The following RAB38 variants were observed in gnomAD, a reference collection of about 807,000 sequenced individuals.
RAB38 encodes ras-related protein Rab-38.
Under a neutral mutation model 18.4 loss-of-function variants are expected in RAB38, and 15 were observed. That is an observed-to-expected ratio of 0.82 (90% confidence interval 0.55 to 1.26). The LOEUF (loss-of-function observed/expected upper bound fraction) is 1.26, where lower values mean the gene tolerates loss of function less well. Ranked by LOEUF, RAB38 falls within the 50% of genes most tolerant of loss-of-function variation. The probability of loss-of-function intolerance (pLI) is 0.00; values close to 1 mark genes in which losing one functional copy is unlikely to be tolerated. For missense variants in RAB38, 294 were observed against 267.4 expected, an observed-to-expected ratio of 1.10 and a Z score of -0.69; for synonymous variants, 101 against 104.4, an observed-to-expected ratio of 0.97 and a Z score of 0.20.
chr11:88,104,366 T>C, the RAB38 span, among the ~76,000 whole-genome samples: 1 of 152,102 alleles, frequency 6.6e-6, no homozygotes, highest in South Asian at 2.1e-4. Flanking sequence ...AATAAATACA[T>C]AATCTTGAAA....
At chr11:88,099,133 C>T in the RAB38 span, among the ~76,000 whole-genome samples, 1 of 151,444 alleles carries the variant, frequency 6.6e-6, no homozygotes, top group Non-Finnish European at 1.5e-5. Context: ...TATTAAAAAC[C>T]AATAGAACTA....
intron 1 of RAB38, among the ~76,000 whole-genome samples, chr11:88,168,331 C>T (rs1943268710): frequency 6.6e-6 from 1 of 152,102 alleles, no homozygotes; most frequent in African/African-American, 2.4e-5. Context: ...TTGTCTGCCG[C>T]ATCCCTCTTA....
At chr11:88,124,947 T>C (rs1942676708) in intron 2 of RAB38, among the ~76,000 whole-genome samples, 1 of 152,244 alleles carries the variant, frequency 6.6e-6, no homozygotes, top group African/African-American at 2.4e-5. Flanking sequence ...CAATAAGTTA[T>C]GTGACTGTCT....
the RAB38 span, among the ~76,000 whole-genome samples, chr11:88,029,350 A>G: frequency 6.7e-6 from 1 of 150,370 alleles, no homozygotes; most frequent in African/African-American, 2.4e-5. Context: ...GCTAACATCA[A>G]AATGACAGGA....
chr11:87,821,352 A>G, the RAB38 span, among the ~76,000 whole-genome samples: 1 of 152,330 alleles, frequency 6.6e-6, no homozygotes, highest in East Asian at 1.9e-4. Context: ...AGAATTCTAC[A>G]CTCATTAGAA....
chr11:88,135,963 C>A (rs1238487068), intron 2 of RAB38, among the ~76,000 whole-genome samples: 1 of 152,172 alleles, frequency 6.6e-6, no homozygotes, highest in Non-Finnish European at 1.5e-5. Context: ...TGAAAGTTCT[C>A]AAGAGAGAAC....
chr11:87,918,533 C>T, the RAB38 span, among the ~76,000 whole-genome samples: 656 of 152,122 alleles, frequency 4.3e-3, 3 homozygotes, highest in Non-Finnish European at 7.0e-3. Flanking sequence ...CATATCTTTG[C>T]CAATACTTCT....
the RAB38 span, among the ~76,000 whole-genome samples, chr11:87,924,663 G>A: frequency 6.6e-6 from 1 of 151,978 alleles, no homozygotes; most frequent in Admixed American, 6.6e-5. Context: ...TACACACTTT[G>A]AGATAACTCT....
At chr11:88,151,810 G>A (rs1176035346) in intron 1 of RAB38, among the ~76,000 whole-genome samples, 1 of 152,204 alleles carries the variant, frequency 6.6e-6, no homozygotes, top group Non-Finnish European at 1.5e-5. Flanking sequence ...AACACTTAGT[G>A]AAAATGAATG....
At chr11:88,076,934 G>A in the RAB38 span, among the ~76,000 whole-genome samples, 2 of 126,528 alleles carry the variant, frequency 1.6e-5, no homozygotes, top group African/African-American at 6.1e-5. Flanking sequence ...ACTCCAGCCT[G>A]GGCAACAGAG....
chr11:87,936,791 G>A, the RAB38 span, among the ~76,000 whole-genome samples: 66 of 151,898 alleles, frequency 4.3e-4, no homozygotes, highest in African/African-American at 1.6e-3. Context: ...ATACTGTATG[G>A]GATTATAATT....
the RAB38 span, among the ~76,000 whole-genome samples, chr11:87,855,880 T>C: frequency 3.3e-5 from 5 of 152,160 alleles, no homozygotes; most frequent in African/African-American, 1.2e-4. Flanking sequence ...GCTCTCTCTT[T>C]GTATTTGTTT....
At chr11:87,932,162 A>C in the RAB38 span, among the ~76,000 whole-genome samples, 1,609 of 152,134 alleles carry the variant, frequency 0.011, 28 homozygotes, top group African/African-American at 0.037. Flanking sequence ...ATTAGGACAA[A>C]TACCTAATGC....
chr11:87,872,431 C>A, the RAB38 span, among the ~76,000 whole-genome samples: 1 of 151,536 alleles, frequency 6.6e-6, no homozygotes, highest in East Asian at 2.0e-4. Context: ...TTTGTTACAA[C>A]TGATACCAAC....
chr11:88,126,755 G>A (rs185204215), intron 2 of RAB38, among the ~76,000 whole-genome samples: 10 of 151,864 alleles, frequency 6.6e-5, no homozygotes, highest in Middle Eastern at 3.4e-3. Context: ...ATTGCCACTC[G>A]TGTAACCTCC....
chr11:88,150,477 T>G (rs1943050767), intron 1 of RAB38, among the ~76,000 whole-genome samples: 1 of 152,192 alleles, frequency 6.6e-6, no homozygotes, highest in African/African-American at 2.4e-5. Context: ...GATTATATTT[T>G]AATGGGAAGA....
chr11:87,941,437 C>T, the RAB38 span, among the ~76,000 whole-genome samples: 4 of 151,142 alleles, frequency 2.6e-5, no homozygotes, highest in African/African-American at 7.3e-5. Context: ...AGTTGAGTTT[C>T]TCAAAAAATC....
chr11:87,805,394 A>T, the RAB38 span, among the ~76,000 whole-genome samples: 1 of 150,602 alleles, frequency 6.6e-6, no homozygotes, highest in Non-Finnish European at 1.5e-5. Context: ...GATATTATCT[A>T]TGTCATTTTT....
the RAB38 span, among the ~76,000 whole-genome samples, chr11:88,023,400 G>T: frequency 1.3e-5 from 2 of 149,884 alleles, no homozygotes; most frequent in Non-Finnish European, 3.0e-5. Context: ...AAATCTAAAA[G>T]AATACTAAAA....
Sources: gnomAD v4.1 joint callset for allele counts (sites outside exome capture counted in the v4.1 genomes callset) on GRCh38, gnomAD v4.1.1 for gene constraint, MANE v1.5 for transcripts, NCBI Gene and HGNC (gene_info 2026-07-23, HGNC 2026-07-21) for gene names.